The following GPAT3 variants were observed in gnomAD, a reference collection of about 807,000 sequenced individuals.
GPAT3 encodes the protein 1-AGP acyltransferase 9.
GPAT3 carries 53 observed loss-of-function variants against 58.8 expected under a neutral mutation model. The observed-to-expected ratio is 0.90, with a 90% CI of 0.72 to 1.13. GPAT3 has a LOEUF of 1.13. Among genes scored for constraint, GPAT3 ranks in the 50% most tolerant of loss-of-function variants. The pLI is 0.00. For synonymous variants in GPAT3, 197 were observed against 187.4 expected (o/e 1.05, Z -0.42); for missense variants, 511 against 527.6 (o/e 0.97, Z 0.31).
intron 2 of GPAT3, among the ~76,000 whole-genome samples, chr4:83,552,759 C>A (rs554624912): frequency 5.3e-5 from 8 of 152,250 alleles, no homozygotes; most frequent in African/African-American, 1.9e-4. Context: ...CTATGTCCCC[C>A]CCTTCCCAAA....
At chr4:83,545,692 C>T (rs985099698) in intron 2 of GPAT3, among the ~76,000 whole-genome samples, 35 of 152,068 alleles carry the variant, frequency 2.3e-4, no homozygotes, top group African/African-American at 4.3e-4. Flanking sequence ...TTACCAAGTC[C>T]GGATATTTCT....
At chr4:83,603,330 C>A (rs11733610) in intron 11 of GPAT3, among the ~76,000 whole-genome samples, 33,966 of 152,138 alleles carry the variant, frequency 0.22, 4,681 homozygotes, top group South Asian at 0.35. Context: ...TATACCCAGG[C>A]AGGCACCCTG....
In GPAT3 at chr4:83,536,639, T is replaced by C. The variant is rs960187061; in HGVS notation, c.17T>C (p.Leu6Pro). MEGAE[L>P]AGKILSTWLT... is the part of the protein sequence containing the mutation. ...CGCCGAGTCATGGAGGGCGCAGAGCTGGCCGGGAAGATCCTTTCCACCTGG... is the reference window on the plus strand; with the variant it reads ...CGCCGAGTCATGGAGGGCGCAGAGCCGGCCGGGAAGATCCTTTCCACCTGG... Residue 6 changes from leucine to proline, a missense_variant, in exon 1 of 12, where the codon CTG becomes CCG. Transcript: ENST00000264409. 6.2e-7 allele frequency: 1 copy of C among 1,612,858 alleles called. No homozygotes were observed. The highest frequency in any genetic ancestry group is 8.5e-7 in the Non-Finnish European group (1 of 1,179,976).
intron 2 of GPAT3, among the ~76,000 whole-genome samples, chr4:83,560,704 G>C (rs6837457): frequency 0.039 from 5,959 of 152,250 alleles, 418 homozygotes; most frequent in African/African-American, 0.13. Context: ...GGGGCCTGCA[G>C]GGAGGTGGTT....
intron 11 of GPAT3, among the ~76,000 whole-genome samples, chr4:83,600,037 T>C (rs1406343201): frequency 6.6e-6 from 1 of 152,204 alleles, no homozygotes; most frequent in Non-Finnish European, 1.5e-5. Flanking sequence ...TTTCAGACCA[T>C]GGTTGACTGT....
At chr4:83,535,653 C>A, upstream of GPAT3, 11 of 961,168 alleles carry the variant, frequency 1.1e-5, no homozygotes, top group Non-Finnish European at 1.4e-5. Flanking sequence ...AGGGAGATGG[C>A]GGCTCAGTGG....
chr4:83,562,917 A>G (rs1014071255), intron 2 of GPAT3, among the ~76,000 whole-genome samples: 21 of 152,306 alleles, frequency 1.4e-4, no homozygotes, highest in African/African-American at 5.1e-4. Flanking sequence ...GAAGTTGTCT[A>G]CCAACTCCTC....
chr4:83,583,464 G>A (rs1390521856), intron 3 of GPAT3, among the ~76,000 whole-genome samples: 1 of 151,434 alleles, frequency 6.6e-6, no homozygotes, highest in South Asian at 2.1e-4. Flanking sequence ...GAGGCCAGGA[G>A]TTCGACTGGC....
intron 6 of GPAT3, 112 bp from the exon 7 acceptor site, chr4:83,594,733 T>C: frequency 1.2e-6 from 1 of 839,156 alleles, no homozygotes; most frequent in South Asian, 1.6e-5. Flanking sequence ...CTTCAGTCAG[T>C]AGAAGGCCAA....
At chr4:83,603,895 A>G (rs1727160795) in intron 11 of GPAT3, among the ~76,000 whole-genome samples, 2 of 152,146 alleles carry the variant, frequency 1.3e-5, no homozygotes. Flanking sequence ...TCTTTAAGAA[A>G]TTTACCCACA....
chr4:83,540,782 C>A (rs538180555), intron 1 of GPAT3, among the ~76,000 whole-genome samples: 1 of 152,114 alleles, frequency 6.6e-6, no homozygotes, highest in Non-Finnish European at 1.5e-5. Context: ...CTCCCCCTCC[C>A]GGATTCAAGT....
intron 2 of GPAT3, among the ~76,000 whole-genome samples, chr4:83,566,863 A>G (rs1185822752): frequency 6.7e-6 from 1 of 149,286 alleles, no homozygotes; most frequent in Non-Finnish European, 1.5e-5. Context: ...TTTTCCTCAG[A>G]TAGGTATTGC....
At position 83,594,965 on chromosome 4, in the gene GPAT3, G is replaced by T. The variant is rs1365177557; in HGVS notation, c.854+5G>T. On this transcript the variant is annotated splice_donor_5th_base_variant and intron_variant, in intron 7 of 11. Coordinates refer to ENST00000264409, the MANE Select transcript of GPAT3 (RefSeq NM_032717.5). ...TCGACACCTGGTTACTAAGAGGTAAGCAGTGAAATTACTCAGCATTCACTG... is the reference window on the plus strand; with the variant it reads ...TCGACACCTGGTTACTAAGAGGTAATCAGTGAAATTACTCAGCATTCACTG... The T allele has an allele frequency of 6.2e-7, 1 of 1,611,778 alleles. No individual in the cohort carries two copies. The highest frequency in any genetic ancestry group is 1.3e-5 in the African/African-American group (1 of 74,998).
At chr4:83,535,915 G>A (rs140309442), upstream of GPAT3, 163 of 985,538 alleles carry the variant, frequency 1.7e-4, 3 homozygotes, top group African/African-American at 2.6e-3. Context: ...ACATTTTTCA[G>A]ATGAAAACTC....
chr4:83,565,525 A>C (rs1725348678), intron 2 of GPAT3, among the ~76,000 whole-genome samples: 1 of 151,756 alleles, frequency 6.6e-6, no homozygotes, highest in African/African-American at 2.4e-5. Context: ...TTGAGACAGA[A>C]TCTCGCTCTG....
chr4:83,562,179 TTATATATATATATATATATA>T (rs1189310027), intron 2 of GPAT3, among the ~76,000 whole-genome samples: 1 of 86,174 alleles, frequency 1.2e-5, no homozygotes, highest in Non-Finnish European at 2.1e-5. Context: ...ATTTTATATA[TTATATATATATATATATATA>T]ATATATATAT....
intron 5 of GPAT3, among the ~76,000 whole-genome samples, chr4:83,589,698 A>G (rs1053610017): frequency 6.6e-6 from 1 of 152,218 alleles, no homozygotes; most frequent in Non-Finnish European, 1.5e-5. Context: ...TGTATTATCA[A>G]TGGAAAAATC....
intron 8 of GPAT3, 92 bp from the exon 9 acceptor site, chr4:83,597,338 A>T (rs977434721): frequency 1.4e-6 from 1 of 700,880 alleles, no homozygotes; most frequent in Middle Eastern, 4.5e-4. Flanking sequence ...GATATTTTAA[A>T]TTATTTTATA....
In GPAT3 at chr4:83,598,143, CTG is replaced by C. The variant is rs1726918516; in HGVS notation, c.1092_1093del (p.Cys364Ter). On this transcript the variant is annotated frameshift_variant, in exon 10 of 12. Transcript: ENST00000264409. LOFTEE classifies it high-confidence loss of function. The part of the protein sequence containing the change: ...LRMMTSWAIV[C>X]DVWYMPPMTR... ...GAATGATGACCAGCTGGGCCATCGT[CTG>C]TGACGTGTGGTACATGCCCCCCATG... 6.2e-7 allele frequency: 1 copy of C among 1,613,676 alleles called. No individual in the cohort carries two copies. Among genetic ancestry groups the C allele is most frequent in the Non-Finnish European group, 8.5e-7 (1 of 1,179,862 alleles).
Sources: allele counts gnomAD v4.1 joint callset (sites outside exome capture counted in the v4.1 genomes callset), GRCh38; gene constraint gnomAD v4.1.1; transcripts MANE v1.5; gene names NCBI Gene and HGNC (gene_info 2026-07-23, HGNC 2026-07-21).